The following SEPTIN10 variants were observed in gnomAD, a reference collection of about 807,000 sequenced individuals.
SEPTIN10 encodes the protein septin 10.
SEPTIN10 carries 66 observed loss-of-function variants against 54.8 expected under a neutral mutation model. The ratio of observed to expected loss-of-function variants is 1.21; its 90% CI spans 0.99 to 1.48. The LOEUF (loss-of-function observed/expected upper bound fraction) is 1.48. Among genes scored for constraint, SEPTIN10 ranks in the 40% most tolerant of loss-of-function variants. The pLI is 0.00. For missense variants in SEPTIN10, 620 were observed against 545.6 expected, an observed-to-expected ratio of 1.14 and a Z score of -1.36; for synonymous variants, 161 against 181.0, an observed-to-expected ratio of 0.89 and a Z score of 0.89.
chr2:109,594,392 CAG>C (rs888520335), intron 1 of SEPTIN10, among the ~76,000 whole-genome samples: 3 of 152,172 alleles, frequency 2.0e-5, no homozygotes, highest in Non-Finnish European at 4.4e-5. Context: ...CGCATCCTTC[CAG>C]AGAGAGGCTG....
rs142454481 is a variant in SEPTIN10, at chr2:109,609,394, T to C, written c.30+4404A>G. ...ATCATTTAATTAAGGACGAAAAAAATGCAGAGTTTACTTGATGCAAAAGGT... is the reference window on the plus strand; with the variant it reads ...ATCATTTAATTAAGGACGAAAAAAACGCAGAGTTTACTTGATGCAAAAGGT... On this transcript the variant is annotated intron_variant, in intron 1 of 10. Transcript: ENST00000397712. Among the ~76,000 whole-genome samples the C allele has an allele frequency of 1.1e-4, 16 of 151,792 alleles. No homozygotes were observed. The East Asian group carries it at 3.1e-3, about 29-fold the overall frequency.
At chr2:109,563,064 C>T (rs1239780564) in intron 8 of SEPTIN10, among the ~76,000 whole-genome samples, 1 of 152,066 alleles carries the variant, frequency 6.6e-6, no homozygotes, top group Non-Finnish European at 1.5e-5. Context: ...AAGTGTGCCA[C>T]CATACCCAGC....
At chr2:109,565,883 C>A in intron 6 of SEPTIN10, 24 bp from the exon 7 acceptor site, 3 of 1,558,058 alleles carry the variant, frequency 1.9e-6, no homozygotes, top group Non-Finnish European at 2.7e-6. Flanking sequence ...TCGAGCACAT[C>A]TTCTCATACC....
chr2:109,613,067 T>C (rs1699611094), intron 1 of SEPTIN10: 5 of 591,332 alleles, frequency 8.5e-6, no homozygotes, highest in South Asian at 4.5e-5. Flanking sequence ...TTTTTAAGAA[T>C]ACACAGGCAT....
intron 2 of SEPTIN10, among the ~76,000 whole-genome samples, chr2:109,588,484 A>C (rs1051303046): frequency 1.3e-5 from 2 of 152,142 alleles, no homozygotes; most frequent in Non-Finnish European, 2.9e-5. Context: ...CAGTATACAT[A>C]AAGTGTTATA....
Position 109,613,915 on chromosome 2 carries a change from C to G in SEPTIN10, c.-88G>C. The G allele has an allele frequency of 8.2e-7, 1 of 1,224,474 alleles. No homozygotes were observed. The highest frequency in any genetic ancestry group is 1.0e-6 in the Non-Finnish European group (1 of 983,320). 75.9% of individuals were successfully genotyped at this position (1,224,474 alleles called of 1,614,324 possible). A position where few individuals can be genotyped will look rare whatever the true frequency, so the allele number is the denominator to read the frequency against. On this transcript the variant is annotated 5_prime_UTR_variant, in exon 1 of 11. Transcript: ENST00000397712. ...CGACGGCGGCGGGAAGGCCGGAGGG[C>G]AGAAGCAACGGGCGGGGCGCGAGGC... is the stretch of plus-strand genomic sequence containing the variant.
intron 10 of SEPTIN10, chr2:109,545,116 T>G (rs1174494540): frequency 3.0e-6 from 3 of 985,282 alleles, no homozygotes; most frequent in African/African-American, 3.5e-5. Context: ...GTGAGAGCAT[T>G]AAACCAGATG....
At chr2:109,574,097 T>C (rs1689021528) in intron 5 of SEPTIN10, among the ~76,000 whole-genome samples, 1 of 152,128 alleles carries the variant, frequency 6.6e-6, no homozygotes, top group South Asian at 2.1e-4. Context: ...ATCTTCCAAA[T>C]TGAATTTCTC....
At chr2:109,601,236 C>T (rs951423844) in intron 1 of SEPTIN10, among the ~76,000 whole-genome samples, 17 of 152,186 alleles carry the variant, frequency 1.1e-4, no homozygotes, top group Non-Finnish European at 1.0e-4. Flanking sequence ...TGGTGACCAG[C>T]CCCATCCTTA....
intron 1 of SEPTIN10, among the ~76,000 whole-genome samples, chr2:109,602,261 A>G (rs2106178060): frequency 6.6e-6 from 1 of 152,314 alleles, no homozygotes; most frequent in Non-Finnish European, 1.5e-5. Context: ...AATGAAAACA[A>G]CTTACAGAAA....
intron 1 of SEPTIN10, among the ~76,000 whole-genome samples, chr2:109,609,871 G>A (rs1478625058): frequency 1.3e-5 from 2 of 152,016 alleles, no homozygotes; most frequent in South Asian, 4.2e-4. Context: ...TGTGTTTCTC[G>A]GGAGATGAAA....
At chr2:109,562,799 C>A (rs1354240833) in intron 8 of SEPTIN10, among the ~76,000 whole-genome samples, 1 of 152,130 alleles carries the variant, frequency 6.6e-6, no homozygotes, top group African/African-American at 2.4e-5. Context: ...GATGATTAAT[C>A]TTTAGTGAAG....
intron 2 of SEPTIN10, among the ~76,000 whole-genome samples, chr2:109,589,648 T>A (rs947489606): frequency 2.0e-5 from 3 of 152,180 alleles, no homozygotes; most frequent in Non-Finnish European, 4.4e-5. Flanking sequence ...GGAATGCTGA[T>A]AAATTTGCTA....
intron 2 of SEPTIN10, among the ~76,000 whole-genome samples, chr2:109,591,829 T>C (rs918030746): frequency 6.6e-6 from 1 of 151,210 alleles, no homozygotes; most frequent in African/African-American, 2.4e-5. Flanking sequence ...ACCTGGGAGG[T>C]GTAGGTTGAG....
intron 4 of SEPTIN10, among the ~76,000 whole-genome samples, chr2:109,584,580 T>C (rs912386130): frequency 2.0e-5 from 3 of 152,026 alleles, no homozygotes; most frequent in African/African-American, 2.4e-5. Context: ...TTAAATTTGA[T>C]AGAGCATAGA....
chr2:109,588,850 T>TAAAAAAAAAA (rs59135205), intron 2 of SEPTIN10, among the ~76,000 whole-genome samples: 1 of 111,446 alleles, frequency 9.0e-6, no homozygotes, highest in African/African-American at 3.6e-5. Flanking sequence ...CAATTACTAT[T>TAAAAAAAAAA]AAAAAAAAAA....
chr2:109,607,733 T>A (rs1698324686), intron 1 of SEPTIN10, among the ~76,000 whole-genome samples: 1 of 152,066 alleles, frequency 6.6e-6, no homozygotes, highest in Non-Finnish European at 1.5e-5. Context: ...AAGTTTAGTC[T>A]TTCCTCCCCT....
intron 8 of SEPTIN10, among the ~76,000 whole-genome samples, chr2:109,556,173 G>A (rs1684329468): frequency 6.6e-6 from 1 of 152,150 alleles, no homozygotes; most frequent in Admixed American, 6.5e-5. Flanking sequence ...ACCAGTAGCT[G>A]CCCTTTCCTA....
chr2:109,561,619 C>A (rs912772067), intron 8 of SEPTIN10, among the ~76,000 whole-genome samples: 1 of 152,144 alleles, frequency 6.6e-6, no homozygotes, highest in African/African-American at 2.4e-5. Flanking sequence ...CCTACTCAAA[C>A]TCTTCACCTG....
Sources: gnomAD v4.1 joint callset for allele counts (sites outside exome capture counted in the v4.1 genomes callset) on GRCh38, gnomAD v4.1.1 for gene constraint, MANE v1.5 for transcripts, NCBI Gene and HGNC (gene_info 2026-07-23, HGNC 2026-07-21) for gene names.